WIPI2: variants seen among roughly 807,000 people sequenced by gnomAD.
WIPI2 encodes the protein WD repeat domain phosphoinositide-interacting protein 2.
A neutral mutation model predicts 52.3 loss-of-function variants in WIPI2; 28 were observed. That is an observed-to-expected ratio of 0.54 (90% CI 0.40 to 0.73). The LOEUF (loss-of-function observed/expected upper bound fraction) is 0.73. Ranked by LOEUF, WIPI2 falls within the 30% of genes least tolerant of loss-of-function variation. The probability of loss-of-function intolerance (pLI) is 0.00; values close to 1 mark genes in which losing one functional copy is unlikely to be tolerated. For synonymous variants in WIPI2, 268 were observed against 245.0 expected (o/e 1.09, Z -0.88); for missense variants, 506 against 602.9 (o/e 0.84, Z 1.68).
intron 3 of WIPI2, among the ~76,000 whole-genome samples, chr7:5,203,736 C>T (rs1218778652): frequency 6.6e-6 from 1 of 150,782 alleles, no homozygotes; most frequent in Admixed American, 6.6e-5. Flanking sequence ...GGATTCGCGC[C>T]ATTCTCCTGC....
intron 9 of WIPI2, chr7:5,226,317 G>A (rs560923649): frequency 9.9e-5 from 20 of 202,636 alleles, no homozygotes; most frequent in African/African-American, 3.5e-4. Flanking sequence ...AGACATGGAC[G>A]GCTTCCACAA....
At chr7:5,228,701 G>GT (rs1334206329) in intron 11 of WIPI2, among the ~76,000 whole-genome samples, 5 of 152,188 alleles carry the variant, frequency 3.3e-5, no homozygotes, top group Non-Finnish European at 7.4e-5. Flanking sequence ...TGTCTTACAT[G>GT]TTTTTTAATG....
chr7:5,217,085 T>G lies in WIPI2; in HGVS notation c.479-5T>G, dbSNP rs1057199451. On this transcript the variant is annotated splice_polypyrimidine_tract_variant and splice_region_variant and intron_variant, in intron 5 of 12. Transcript: ENST00000288828. ...TGCATCTCGTCCTCCGTGTGTCATT[T>G]GCAGGCCTGTGTGCGCTGTCAATCA... The G allele has an allele frequency of 1.1e-5, 18 of 1,608,746 alleles. No individual in the cohort carries two copies. Among genetic ancestry groups the G allele is most frequent in the Non-Finnish European group, 1.5e-5 (18 of 1,175,572 alleles).
At position 5,225,841 on chromosome 7, in the gene WIPI2, C is replaced by T. The variant is rs372990601; in HGVS notation, c.759C>T (p.Ser253=). ...TCCCCAGGTGCGTGAGCATCTGCTC[C>T]CTGGCCTTCAGCATGGACGGCATGT... ...RGVKRCVSIC[S]LAFSMDGMFL... Residue 253 remains serine, a synonymous_variant, in exon 9 of 13, where the codon TCC becomes TCT. Transcript: ENST00000288828. 12 of 1,612,992 alleles carry T rather than the reference C, an allele frequency of 7.4e-6. No individual in the cohort carries two copies. In the South Asian group the frequency reaches 9.9e-5, roughly 13 times the overall value.
chr7:5,227,780 CG>C lies in WIPI2; in HGVS notation c.1014-323del, dbSNP rs1405614726. ...CAGTGATGGCAGGGCTTTGGGCTTC[CG>C]TGCGTCTTTAAACATCATTTTCCAG... On this transcript the variant is annotated intron_variant, in intron 10 of 12. Transcript: ENST00000288828. This position sits in a 1 kb window ranked among gnomAD's most constrained non-coding sequence, Gnocchi z 8.1. 6.6e-6 allele frequency among the ~76,000 whole-genome samples: 1 copy of C among 152,148 alleles called. No homozygotes were observed. Among genetic ancestry groups the C allele is most frequent in the Non-Finnish European group, 1.5e-5 (1 of 68,006 alleles).
At chr7:5,207,428 A>T (rs1037639296) in intron 3 of WIPI2, among the ~76,000 whole-genome samples, 3 of 152,064 alleles carry the variant, frequency 2.0e-5, no homozygotes, top group Admixed American at 6.6e-5. Flanking sequence ...TACTCTTTTG[A>T]TGACGTTTCT....
chr7:5,218,339 CCAGA>C (rs1452304453), intron 7 of WIPI2: 1 of 235,864 alleles, frequency 4.2e-6, no homozygotes, highest in Admixed American at 5.2e-5. Context: ...AGTAAAGAAC[CCAGA>C]CAGTGATGAA....
chr7:5,227,025 C>T lies in WIPI2; in HGVS notation c.849-155C>T. 9.9e-7 allele frequency: 1 copy of T among 1,010,028 alleles called. No individual in the cohort carries two copies. The allele number at this position is 1,010,028 out of a possible 1,614,324, so 62.6% of individuals were successfully genotyped here. On this transcript the variant is annotated intron_variant, in intron 9 of 12. Coordinates refer to ENST00000288828, the MANE Select transcript of WIPI2 (RefSeq NM_015610.4). The surrounding 1 kb of genome is among the most constrained non-coding windows in gnomAD (Gnocchi z 8.1). ...GGAAGCTCCGTGATGCCCCTGGGGC[C>T]CTGAGTGTCTGCTTATAACCAACCC...
chr7:5,229,347 C>T lies in WIPI2; in HGVS notation c.1122-261C>T, dbSNP rs1040840137. The T allele has an allele frequency of 4.0e-5, 13 of 326,736 alleles. No homozygotes were observed. In the Admixed American group the frequency reaches 4.2e-4, roughly 11 times the overall value. 20.2% of individuals were successfully genotyped at this position (326,736 alleles called of 1,614,324 possible). A position where few individuals can be genotyped will look rare whatever the true frequency, so the allele number is the denominator to read the frequency against. The stretch of plus-strand genomic sequence containing the variant: ...ACTTTTTTTGTAAATAGTGAATCCT[C>T]GTTATTAGTTAGTTCTTCCATTGTA... On this transcript the variant is annotated intron_variant, in intron 11 of 12. Coordinates refer to ENST00000288828, the MANE Select transcript of WIPI2 (RefSeq NM_015610.4).
At chr7:5,207,962 C>T (rs1350780892) in intron 3 of WIPI2, among the ~76,000 whole-genome samples, 1 of 152,046 alleles carries the variant, frequency 6.6e-6, no homozygotes, top group African/African-American at 2.4e-5. Flanking sequence ...GACGGGGTTT[C>T]ACCATGTTGG....
intron 2 of WIPI2, among the ~76,000 whole-genome samples, chr7:5,198,276 TTAA>T (rs1781847913): frequency 6.6e-6 from 1 of 152,134 alleles, no homozygotes; most frequent in Non-Finnish European, 1.5e-5. Flanking sequence ...CACCTCGATT[TTAA>T]ATACCTTCGT....
intron 2 of WIPI2, among the ~76,000 whole-genome samples, chr7:5,196,633 G>A (rs914163748): frequency 4.6e-5 from 7 of 151,926 alleles, no homozygotes; most frequent in Non-Finnish European, 8.8e-5. Context: ...ACTAAGGCTC[G>A]TTAATTTTGC....
At chr7:5,223,235 G>A (rs566919121) in intron 8 of WIPI2, among the ~76,000 whole-genome samples, 10 of 152,272 alleles carry the variant, frequency 6.6e-5, no homozygotes, top group African/African-American at 1.4e-4. Context: ...GGGAGGCCTC[G>A]GGCTCTGGAG....
intron 3 of WIPI2, among the ~76,000 whole-genome samples, chr7:5,208,972 T>A (rs1320587608): frequency 6.6e-6 from 1 of 151,956 alleles, no homozygotes; most frequent in Non-Finnish European, 1.5e-5. Flanking sequence ...ATCTCTTCAT[T>A]TATTTAGCTC....
intron 3 of WIPI2, among the ~76,000 whole-genome samples, chr7:5,199,921 A>G (rs1043323680): frequency 1.3e-5 from 2 of 152,184 alleles, no homozygotes; most frequent in Non-Finnish European, 2.9e-5. Context: ...AGCACATACC[A>G]TGTGTACTGG....
At position 5,217,673 on chromosome 7, in the gene WIPI2, T is replaced by G. The variant is rs1212461617; in HGVS notation, c.577-249T>G. 5.9e-6 allele frequency: 3 copies of G among 508,424 alleles called. No individual in the cohort carries two copies. The East Asian group carries it at 1.1e-4, about 18-fold the overall frequency. The allele number at this position is 508,424 out of a possible 1,614,324, so 31.5% of individuals were successfully genotyped here. A position where few individuals can be genotyped will look rare whatever the true frequency, so the allele number is the denominator to read the frequency against. On this transcript the variant is annotated intron_variant, in intron 6 of 12. Coordinates refer to ENST00000288828, the MANE Select transcript of WIPI2 (RefSeq NM_015610.4). Reference sequence around the variant, plus strand: ...TCTGCTGCGGCGTTCAGAGCAGTGCTGAGCTCCTCGCCACGGGAATGTTTG... The same window carrying G: ...TCTGCTGCGGCGTTCAGAGCAGTGCGGAGCTCCTCGCCACGGGAATGTTTG...
intron 2 of WIPI2, among the ~76,000 whole-genome samples, chr7:5,195,156 T>C (rs1781685054): frequency 6.6e-6 from 1 of 152,114 alleles, no homozygotes; most frequent in African/African-American, 2.4e-5. Context: ...ATTTTTTTGG[T>C]TGTGATTTGC....
At chr7:5,217,789 G>A (rs1489257255) in intron 6 of WIPI2, 133 bp from the exon 7 acceptor site, 3 of 814,202 alleles carry the variant, frequency 3.7e-6, no homozygotes, top group Non-Finnish European at 6.2e-6. Context: ...AGTAAATCAA[G>A]TGGGTTTGGC....
At chr7:5,228,985 T>C (rs527495139) in intron 11 of WIPI2, among the ~76,000 whole-genome samples, 53 of 152,280 alleles carry the variant, frequency 3.5e-4, no homozygotes, top group Non-Finnish European at 5.4e-4. Context: ...CCCCAAGTGT[T>C]GGGGTAACAG....
Sources: allele counts gnomAD v4.1 joint callset (sites outside exome capture counted in the v4.1 genomes callset), GRCh38; gene constraint gnomAD v4.1.1; non-coding constraint Gnocchi (gnomAD v3.1); transcripts MANE v1.5; gene names NCBI Gene and HGNC (gene_info 2026-07-23, HGNC 2026-07-21).